ULK4: variants seen among roughly 807,000 people sequenced by gnomAD.
ULK4 encodes inactive serine/threonine-protein kinase ULK4.
ULK4 carries 133 observed loss-of-function variants against 160.6 expected under a neutral mutation model. The observed-to-expected ratio is 0.83, with a 90% CI of 0.72 to 0.96. The LOEUF (loss-of-function observed/expected upper bound fraction) is 0.96, where lower values mean the gene tolerates loss of function less well. Among genes scored for constraint, ULK4 ranks in the 40% least tolerant of loss-of-function variants. The probability of loss-of-function intolerance (pLI) is 0.00; values close to 1 mark genes in which losing one functional copy is unlikely to be tolerated. For missense variants in ULK4, 1,580 were observed against 1,499.5 expected, an observed-to-expected ratio of 1.05 and a Z score of -0.89; for synonymous variants, 534 against 539.8, an observed-to-expected ratio of 0.99 and a Z score of 0.15.
At position 41,311,234 on chromosome 3, in the gene ULK4, T is replaced by C. The variant is rs545390917; in HGVS notation, c.3679-61660A>G. On this transcript the variant is annotated intron_variant, in intron 35 of 36. Transcript: ENST00000301831. ...TGATTGGATTGAAGGATGCAAAATATTGATCCAGGGTGTGTCCGTGAGGGC... is the reference window on the plus strand; with the variant it reads ...TGATTGGATTGAAGGATGCAAAATACTGATCCAGGGTGTGTCCGTGAGGGC... Among the ~76,000 whole-genome samples the C allele has an allele frequency of 2.6e-5, 4 of 152,330 alleles. No homozygotes were observed. In the South Asian group the frequency reaches 6.2e-4, roughly 24 times the overall value.
chr3:41,768,211 C>G (rs1224008798), intron 21 of ULK4, among the ~76,000 whole-genome samples: 1 of 152,122 alleles, frequency 6.6e-6, no homozygotes, highest in Non-Finnish European at 1.5e-5. Flanking sequence ...TTGCCTTTCA[C>G]GAAATTGGTC....
At chr3:41,827,455 G>C (rs2041403040) in intron 18 of ULK4, among the ~76,000 whole-genome samples, 2 of 152,054 alleles carry the variant, frequency 1.3e-5, no homozygotes. Flanking sequence ...AATAAAAAAT[G>C]ACAAAGGGGA....
In ULK4 at chr3:41,653,549, T is replaced by G. The variant is rs540220080; in HGVS notation, c.3071+10058A>C. Among the ~76,000 whole-genome samples, 5 of 152,338 alleles carry G rather than the reference T, an allele frequency of 3.3e-5. No individual in the cohort carries two copies. In the South Asian group the frequency reaches 1.0e-3, roughly 32 times the overall value. On this transcript the variant is annotated intron_variant, in intron 30 of 36. Coordinates refer to ENST00000301831, the MANE Select transcript of ULK4 (RefSeq NM_017886.4). ...TAAACGACCCAGATGATCTCCAAAG[T>G]TCCATCTAGCTCTAAAATTCCAATA...
In ULK4 at chr3:41,723,950, T is replaced by C. The variant is rs74874493; in HGVS notation, c.2322-6089A>G. Among the ~76,000 whole-genome samples, 369 of 152,336 alleles carry C rather than the reference T, an allele frequency of 2.4e-3. 1 individual carries two copies. Among genetic ancestry groups the C allele is most frequent in the African/African-American group, 7.9e-3 (328 of 41,584 alleles). Reference sequence around the variant, plus strand: ...GCCCAAGAGAAATAGCCAGAGACATTCATGCTAAAGTTCACATTAAAAATG... The same window carrying C: ...GCCCAAGAGAAATAGCCAGAGACATCCATGCTAAAGTTCACATTAAAAATG... On this transcript the variant is annotated intron_variant, in intron 22 of 36. Transcript: ENST00000301831.
Position 41,935,801 on chromosome 3 carries a change from C to A in ULK4, c.378G>T (p.Lys126Asn). Reference protein sequence around the residue: ...GILFCDISPRKILLEGPGTLK... With the variant: ...GILFCDISPRNILLEGPGTLK... ...AAAATCAAAAACTTTCATGAATTAC[C>A]TTCCTAGGAGAAATGTCACAAAAGA... Residue 126 changes from lysine to asparagine, a missense_variant and splice_region_variant, in exon 4 of 37, where the codon AAG becomes AAT. By Grantham distance (94) the Lys-to-Asn change is moderately conservative. Transcript: ENST00000301831. The A allele has an allele frequency of 1.3e-6, 2 of 1,598,514 alleles. No homozygotes were observed. Among genetic ancestry groups the A allele is most frequent in the East Asian group, 2.3e-5 (1 of 43,864 alleles).
chr3:41,334,041 G>C (rs974626997), intron 35 of ULK4, among the ~76,000 whole-genome samples: 1 of 152,132 alleles, frequency 6.6e-6, no homozygotes, highest in Non-Finnish European at 1.5e-5. Context: ...GGATAACTAA[G>C]AAACACACGC....
rs554038420 is a variant in ULK4 at position 41,449,875 on chromosome 3, C to G, written c.3492+5622G>C. 6.1e-5 allele frequency among the ~76,000 whole-genome samples: 9 copies of G among 147,816 alleles called. No individual in the cohort carries two copies. In the South Asian group the frequency reaches 1.1e-3, roughly 18 times the overall value. ...AGATGTTCAGGCGACAGCTTGGTCT[C>G]CCAGTTATCTAGTATAGCCACACTG... On this transcript the variant is annotated intron_variant, in intron 34 of 36. Coordinates refer to ENST00000301831, the MANE Select transcript of ULK4 (RefSeq NM_017886.4).
chr3:41,414,520 A>C (rs1366482828), intron 34 of ULK4, among the ~76,000 whole-genome samples: 5 of 152,236 alleles, frequency 3.3e-5, no homozygotes, highest in Non-Finnish European at 7.3e-5. Context: ...TGCCTGGTTC[A>C]GTGCTTTGTC....
In ULK4 at chr3:41,328,596, AC is replaced by A. The variant is rs761791957; in HGVS notation, c.3678+69482del. 5.0e-4 allele frequency among the ~76,000 whole-genome samples: 76 copies of A among 152,330 alleles called. 1 individual carries two copies. Among genetic ancestry groups the A allele is most frequent in the Non-Finnish European group, 1.0e-3 (70 of 68,038 alleles). On this transcript the variant is annotated intron_variant, in intron 35 of 36. Coordinates refer to ENST00000301831, the MANE Select transcript of ULK4 (RefSeq NM_017886.4). Reference sequence around the variant, plus strand: ...AAATTAGATTCCACTGGTAGAAGTTACAGTGAGAAATTGCAGGCTTCGTAGA... The same window carrying A: ...AAATTAGATTCCACTGGTAGAAGTTAAGTGAGAAATTGCAGGCTTCGTAGA...
chr3:41,756,225 C>T (rs2038799395), intron 21 of ULK4, among the ~76,000 whole-genome samples: 1 of 152,246 alleles, frequency 6.6e-6, no homozygotes, highest in South Asian at 2.1e-4. Context: ...GAAAATGACA[C>T]CCCCACTATG....
chr3:41,655,096 C>T (rs529878164), intron 30 of ULK4, among the ~76,000 whole-genome samples: 1 of 151,924 alleles, frequency 6.6e-6, no homozygotes, highest in African/African-American at 2.4e-5. Context: ...ACTGCTTGAG[C>T]CCAGGAGTTT....
At chr3:41,721,279 T>TTTTTTTTTTTTTTTGG (rs67078043) in intron 22 of ULK4, among the ~76,000 whole-genome samples, 14 of 98,914 alleles carry the variant, frequency 1.4e-4, no homozygotes, top group East Asian at 5.5e-4. Context: ...TTTTTTTTTT[T>TTTTTTTTTTTTTTTGG]TTTTTGGGTT....
rs140029004 is a variant in ULK4, at chr3:41,278,395, T to C, written c.3679-28821A>G. On this transcript the variant is annotated intron_variant, in intron 35 of 36. Coordinates refer to ENST00000301831, the MANE Select transcript of ULK4 (RefSeq NM_017886.4). Reference sequence around the variant, plus strand: ...AGCTGAACAAAAGGCAGCAGACAACTTCTGTAGACTTAAACGTCCCTGGCT... The same window carrying C: ...AGCTGAACAAAAGGCAGCAGACAACCTCTGTAGACTTAAACGTCCCTGGCT... Among the ~76,000 whole-genome samples, 636 of 152,292 alleles carry C rather than the reference T, an allele frequency of 4.2e-3. 6 individuals are homozygous for C. Among genetic ancestry groups the C allele is most frequent in the African/African-American group, 0.014 (591 of 41,570 alleles).
intron 35 of ULK4, among the ~76,000 whole-genome samples, chr3:41,318,033 G>C (rs2080178521): frequency 1.3e-5 from 2 of 152,066 alleles, no homozygotes; most frequent in African/African-American, 2.4e-5. Flanking sequence ...ATCTACCACT[G>C]TTGTCCCAGA....
chr3:41,818,802 G>A (rs1025930331), intron 19 of ULK4, among the ~76,000 whole-genome samples: 3 of 152,230 alleles, frequency 2.0e-5, no homozygotes, highest in South Asian at 2.1e-4. Flanking sequence ...ATGATTTAAC[G>A]CAAATGGAAA....
At chr3:41,446,470 C>G (rs1286472290) in intron 34 of ULK4, among the ~76,000 whole-genome samples, 1 of 152,040 alleles carries the variant, frequency 6.6e-6, no homozygotes, top group Non-Finnish European at 1.5e-5. Context: ...AGACTTGGAA[C>G]CAAGCCAAAT....
intron 35 of ULK4, among the ~76,000 whole-genome samples, chr3:41,295,573 C>G (rs2079652872): frequency 7.7e-6 from 1 of 130,092 alleles, no homozygotes; most frequent in Non-Finnish European, 1.7e-5. Flanking sequence ...ACAAAGAATT[C>G]TTAAAACTGA....
At chr3:41,812,290 CAAACA>C (rs967568982) in intron 19 of ULK4, among the ~76,000 whole-genome samples, 3 of 151,922 alleles carry the variant, frequency 2.0e-5, no homozygotes, top group Non-Finnish European at 2.9e-5. Flanking sequence ...GTCTCAAAAA[CAAACA>C]AAACAAAACA....
chr3:41,858,960 T>C (rs2042436083), intron 17 of ULK4, among the ~76,000 whole-genome samples: 1 of 152,200 alleles, frequency 6.6e-6, no homozygotes, highest in Middle Eastern at 3.4e-3. Context: ...CCCACTGGAG[T>C]ATTACTTGTC....
Sources: allele counts gnomAD v4.1 joint callset (sites outside exome capture counted in the v4.1 genomes callset), GRCh38; gene constraint gnomAD v4.1.1; transcripts MANE v1.5; gene names NCBI Gene and HGNC (gene_info 2026-07-23, HGNC 2026-07-21).